TTLL5: variants seen among roughly 807,000 people sequenced by gnomAD.
The protein encoded by TTLL5 is tubulin tyrosine ligase like 5, also known as tubulin polyglutamylase TTLL5.
In TTLL5, 132 loss-of-function variants were observed where a neutral mutation model predicts 168.4. The observed-to-expected ratio is 0.78, with a 90% confidence interval of 0.68 to 0.91. The LOEUF is 0.91. TTLL5 is among the 40% of genes least tolerant of loss of function. The pLI is 0.00. For synonymous variants in TTLL5, 546 were observed against 558.6 expected, an observed-to-expected ratio of 0.98 and a Z score of 0.32; for missense variants, 1,545 against 1,581.5, an observed-to-expected ratio of 0.98 and a Z score of 0.39.
At chr14:75,804,507 T>C (rs1485726338) in intron 27 of TTLL5, among the ~76,000 whole-genome samples, 2 of 152,236 alleles carry the variant, frequency 1.3e-5, no homozygotes, top group African/African-American at 4.8e-5. Flanking sequence ...GCTTCAGCAA[T>C]TGGCACTGGA....
At chr14:75,725,835 AC>A (rs371016948) in intron 12 of TTLL5, among the ~76,000 whole-genome samples, 1,884 of 152,320 alleles carry the variant, frequency 0.012, 15 homozygotes, top group South Asian at 0.025. Context: ...ACATCTGGTA[AC>A]CAGATAGCAT....
intron 3 of TTLL5, among the ~76,000 whole-genome samples, chr14:75,680,839 C>G (rs1884554375): frequency 6.6e-6 from 1 of 151,854 alleles, no homozygotes. Flanking sequence ...GTTGGCCAGG[C>G]TGGTCTCGAA....
chr14:75,945,320 G>T (rs1056985567), intron 31 of TTLL5, among the ~76,000 whole-genome samples: 1 of 151,226 alleles, frequency 6.6e-6, no homozygotes, highest in Admixed American at 6.6e-5. Context: ...ACAGTGGCAC[G>T]ATCTTGGCTC....
intron 7 of TTLL5, among the ~76,000 whole-genome samples, chr14:75,706,698 G>A (rs998825481): frequency 1.3e-5 from 2 of 151,800 alleles, no homozygotes; most frequent in Non-Finnish European, 2.9e-5. Context: ...TTATTTTCTT[G>A]GCAGGTAACT....
intron 14 of TTLL5, among the ~76,000 whole-genome samples, chr14:75,734,595 C>G (rs1888768548): frequency 6.6e-6 from 1 of 152,132 alleles, no homozygotes; most frequent in Non-Finnish European, 1.5e-5. Context: ...GAACTAGTAC[C>G]TGATGTACCA....
intron 21 of TTLL5, among the ~76,000 whole-genome samples, chr14:75,772,669 CTTT>C (rs904209991): frequency 5.1e-5 from 7 of 136,856 alleles, no homozygotes; most frequent in Admixed American, 1.5e-4. Context: ...CTTCCATATT[CTTT>C]TTTTTTTTTT....
rs184964522 is a variant in TTLL5, at chr14:75,821,855, G to A, written c.3326+1694G>A. ...AAAAGCAATCCCCACAAAGTCCCCT[G>A]GTCTTTTCCTTTTCTTTTTACCCAC... On this transcript the variant is annotated intron_variant, in intron 28 of 31. Coordinates refer to ENST00000298832, the MANE Select transcript of TTLL5 (RefSeq NM_015072.5). Among the ~76,000 whole-genome samples, 5 of 152,196 alleles carry A rather than the reference G, an allele frequency of 3.3e-5. No individual in the cohort carries two copies. In the East Asian group the frequency reaches 9.7e-4, roughly 29 times the overall value.
intron 12 of TTLL5, among the ~76,000 whole-genome samples, chr14:75,723,109 A>G (rs1377274654): frequency 6.6e-6 from 1 of 151,800 alleles, no homozygotes; most frequent in African/African-American, 2.4e-5. Context: ...TTTTGCCCCC[A>G]CCATGCATGG....
chr14:75,729,383 C>T (rs1396250360), intron 12 of TTLL5, among the ~76,000 whole-genome samples: 4 of 152,020 alleles, frequency 2.6e-5, no homozygotes, highest in Non-Finnish European at 5.9e-5. Context: ...TGATTATGCT[C>T]AGCACAACCT....
intron 3 of TTLL5, among the ~76,000 whole-genome samples, chr14:75,680,524 A>T (rs1163603328): frequency 6.6e-6 from 1 of 151,164 alleles, no homozygotes; most frequent in East Asian, 1.9e-4. Context: ...TGCAGGCTGG[A>T]TTTCATCCTT....
intron 4 of TTLL5, among the ~76,000 whole-genome samples, chr14:75,682,599 G>A (rs1884705314): frequency 6.6e-6 from 1 of 152,086 alleles, no homozygotes; most frequent in Non-Finnish European, 1.5e-5. Context: ...AAACCATGGA[G>A]TAAGTCATTC....
intron 31 of TTLL5, among the ~76,000 whole-genome samples, chr14:75,941,049 C>T (rs1232289485): frequency 1.3e-5 from 2 of 152,216 alleles, no homozygotes; most frequent in Non-Finnish European, 2.9e-5. Flanking sequence ...GTTTTAGCAT[C>T]TGAACTGAAC....
chr14:75,757,956 A>G, intron 18 of TTLL5: 1 of 1,274,446 alleles, frequency 7.8e-7, no homozygotes, highest in Non-Finnish European at 1.0e-6. Context: ...TTATATAACC[A>G]TTTTTAGTTT....
At chr14:75,856,128 C>G (rs139295155) in intron 28 of TTLL5, among the ~76,000 whole-genome samples, 1 of 152,138 alleles carries the variant, frequency 6.6e-6, no homozygotes, top group South Asian at 2.1e-4. Flanking sequence ...TTTGGGAGGC[C>G]GAGGCGGGCT....
At chr14:75,772,624 T>G (rs943122764) in intron 21 of TTLL5, among the ~76,000 whole-genome samples, 3 of 151,984 alleles carry the variant, frequency 2.0e-5, no homozygotes, top group African/African-American at 7.2e-5. Context: ...TTAAGCTGTT[T>G]GGTAAGGTCA....
At chr14:75,815,313 T>G (rs917934952) in intron 27 of TTLL5, among the ~76,000 whole-genome samples, 2 of 152,236 alleles carry the variant, frequency 1.3e-5, no homozygotes, top group Non-Finnish European at 2.9e-5. Context: ...CTTTTAAAGT[T>G]TTCTCATTCC....
chr14:75,686,022 G>A (rs1034134701), intron 5 of TTLL5, among the ~76,000 whole-genome samples: 2 of 152,148 alleles, frequency 1.3e-5, no homozygotes, highest in African/African-American at 4.8e-5. Context: ...GAGTACCTCT[G>A]CTCTGGATTT....
intron 29 of TTLL5, among the ~76,000 whole-genome samples, chr14:75,874,957 G>A (rs1413878248): frequency 2.7e-5 from 1 of 36,414 alleles, no homozygotes; most frequent in Non-Finnish European, 4.2e-5. Context: ...TTTTTGAGAC[G>A]GAGTCTCACT....
At chr14:75,799,190 T>C (rs1893151044) in intron 27 of TTLL5, among the ~76,000 whole-genome samples, 1 of 152,194 alleles carries the variant, frequency 6.6e-6, no homozygotes, top group Non-Finnish European at 1.5e-5. Context: ...ATTTTCCTAT[T>C]GGACTAGTCC....
Sources: gnomAD v4.1 joint callset for allele counts (sites outside exome capture counted in the v4.1 genomes callset) on GRCh38, gnomAD v4.1.1 for gene constraint, MANE v1.5 for transcripts, NCBI Gene and HGNC (gene_info 2026-07-23, HGNC 2026-07-21) for gene names.